The following XYLB variants were observed in gnomAD, a reference collection of about 807,000 sequenced individuals.
XYLB encodes xylulokinase, also known as xylulose kinase.
In XYLB, 62 loss-of-function variants were observed where a neutral mutation model predicts 78.7. The observed-to-expected ratio is 0.79, with a 90% CI of 0.64 to 0.97. The LOEUF is 0.97. Ranked by LOEUF, XYLB falls within the 50% of genes least tolerant of loss-of-function variation. The pLI, the probability that XYLB is intolerant of heterozygous loss-of-function variation, is 0.00. For synonymous variants in XYLB, 245 were observed against 247.4 expected, an observed-to-expected ratio of 0.99 and a Z score of 0.09; for missense variants, 687 against 676.8, an observed-to-expected ratio of 1.02 and a Z score of -0.17.
At chr3:38,411,982 CTCTTTTTTTTTTTTTT>C (rs1328440500) in intron 18 of XYLB, among the ~76,000 whole-genome samples, 1 of 137,678 alleles carries the variant, frequency 7.3e-6, no homozygotes, top group Non-Finnish European at 1.6e-5. Flanking sequence ...TGGATCTCAA[CTCTTTTTTTTTTTTTT>C]TCTTTTTTTT....
At chr3:38,397,501 TCCAGAG>T (rs908449816) in intron 17 of XYLB, among the ~76,000 whole-genome samples, 18 of 152,126 alleles carry the variant, frequency 1.2e-4, no homozygotes, top group African/African-American at 4.3e-4. Flanking sequence ...GTGGACAAAG[TCCAGAG>T]CCGTCTTTTC....
chr3:38,420,726 C>CTTTTTTT (rs34716648), downstream of XYLB, among the ~76,000 whole-genome samples: 1 of 150,706 alleles, frequency 6.6e-6, no homozygotes, highest in Non-Finnish European at 1.5e-5. Context: ...GAATATCCCC[C>CTTTTTTT]TTTTTTTTTG....
the XYLB span, among the ~76,000 whole-genome samples, chr3:38,443,136 G>A: frequency 2.1e-3 from 318 of 152,304 alleles, 1 homozygote; most frequent in African/African-American, 6.9e-3. Flanking sequence ...TTCCTCAGAT[G>A]GTAATGGACT....
At chr3:38,452,696 G>A in the XYLB span, 2 of 152,182 alleles carry the variant, frequency 1.3e-5, no homozygotes, top group African/African-American at 4.8e-5. Flanking sequence ...GCCTCTAAAA[G>A]TGCTGGAATT....
In XYLB at chr3:38,346,852, G is replaced by A; in HGVS notation, c.-17G>A. On this transcript the variant is annotated 5_prime_UTR_variant, in exon 1 of 19. Transcript: ENST00000207870. The stretch of plus-strand genomic sequence containing the variant: ...GGACGGACGGACTGACGGACGCGCA[G>A]CCTTACCCGAAAGGCCATGGCGGAG... 1 of 1,511,178 alleles carries A rather than the reference G, an allele frequency of 6.6e-7. No individual in the cohort carries two copies. Among genetic ancestry groups the A allele is most frequent in the Non-Finnish European group, 8.8e-7 (1 of 1,132,374 alleles). 93.6% of individuals were successfully genotyped at this position (1,511,178 alleles called of 1,614,324 possible).
chr3:38,376,935 AT>A lies in XYLB; in HGVS notation c.1139del (p.Met380ArgfsTer32). 1.9e-6 allele frequency: 3 copies of A among 1,613,944 alleles called. No homozygotes were observed. The highest frequency in any genetic ancestry group is 2.5e-6 in the Non-Finnish European group (3 of 1,179,904). On this transcript the variant is annotated frameshift_variant, in exon 14 of 19. Transcript: ENST00000207870. LOFTEE classifies it high-confidence loss of function. ...GGNLGFYFDV[M>X]EITPEIIGRH... Reference sequence around the variant, plus strand: ...TATTTCAGGTTTTTATTTTGATGTAATGGAGATCACCCCTGAAATTATTGGA... The same window carrying A: ...TATTTCAGGTTTTTATTTTGATGTAAGGAGATCACCCCTGAAATTATTGGA...
In XYLB at chr3:38,388,159, G is replaced by GT. The variant is rs1186909013; in HGVS notation, c.1292-7337dup. Among the ~76,000 whole-genome samples the GT allele has an allele frequency of 4.0e-3, 151 of 37,644 alleles. 1 individual carries two copies. Among genetic ancestry groups the GT allele is most frequent in the African/African-American group, 6.0e-3 (126 of 21,098 alleles). 24.7% of individuals were successfully genotyped at this position (37,644 alleles called of 152,430 possible). Reference sequence around the variant, plus strand: ...ATCAGGAAGTGCGGGTGAGGTGGTGGTTTTTTTTTGTTTTTTTTTTTTTTT... The same window carrying GT: ...ATCAGGAAGTGCGGGTGAGGTGGTGGTTTTTTTTTTGTTTTTTTTTTTTTTT... On this transcript the variant is annotated intron_variant, in intron 15 of 18. Transcript: ENST00000207870.
chr3:38,445,437 C>T, the XYLB span, among the ~76,000 whole-genome samples: 1 of 152,086 alleles, frequency 6.6e-6, no homozygotes, highest in Admixed American at 6.6e-5. Flanking sequence ...GCACCAGAAA[C>T]AGGGAGTGCT....
At chr3:38,403,220 G>A (rs1049162980) in intron 18 of XYLB, among the ~76,000 whole-genome samples, 6 of 150,182 alleles carry the variant, frequency 4.0e-5, no homozygotes, top group Non-Finnish European at 7.4e-5. Flanking sequence ...CTTGAGCCCA[G>A]AAGGTGGAGG....
chr3:38,406,167 C>G (rs1227745729), intron 18 of XYLB, among the ~76,000 whole-genome samples: 2 of 152,176 alleles, frequency 1.3e-5, no homozygotes, highest in African/African-American at 4.8e-5. Context: ...CCCACACGGC[C>G]GGGTACTCCT....
chr3:38,359,907 G>T (rs1705875016), intron 2 of XYLB, among the ~76,000 whole-genome samples: 1 of 152,100 alleles, frequency 6.6e-6, no homozygotes, highest in Non-Finnish European at 1.5e-5. Flanking sequence ...TGGGGAGAGG[G>T]TTCCAGTCAA....
rs536382826 is a variant in XYLB at position 38,411,172 on chromosome 3, CAT to C, written c.1534-1760_1534-1759del. Among the ~76,000 whole-genome samples the C allele has an allele frequency of 3.6e-3, 552 of 152,246 alleles. 5 individuals are homozygous for C. The highest frequency in any genetic ancestry group is 0.013 in the African/African-American group (525 of 41,514). On this transcript the variant is annotated intron_variant, in intron 18 of 18. Transcript: ENST00000207870. ...TAGACTAGATTAAGAAAATGTGGCACATATACACCATGGAATACTATGCAGCC... is the reference window on the plus strand; with the variant it reads ...TAGACTAGATTAAGAAAATGTGGCACATACACCATGGAATACTATGCAGCC...
At chr3:38,405,594 G>A (rs889979676) in intron 18 of XYLB, among the ~76,000 whole-genome samples, 29 of 152,246 alleles carry the variant, frequency 1.9e-4, no homozygotes, top group African/African-American at 2.9e-4. Flanking sequence ...TGCCTCACTC[G>A]AGAAGTGCAA....
chr3:38,411,448 T>C (rs997823064), intron 18 of XYLB, among the ~76,000 whole-genome samples: 3 of 151,832 alleles, frequency 2.0e-5, no homozygotes, highest in African/African-American at 7.3e-5. Flanking sequence ...AGTTAATGAG[T>C]GCAGCACACC....
In XYLB at chr3:38,376,962, C is replaced by T. The variant is rs764015358; in HGVS notation, c.1165C>T (p.Arg389Cys). 1.1e-5 allele frequency: 17 copies of T among 1,613,794 alleles called. No individual in the cohort carries two copies. The highest frequency in any genetic ancestry group is 8.0e-5 in the African/African-American group (6 of 74,838). ...GGAGATCACCCCTGAAATTATTGGA[C>T]GTCATAGGTTTAACACAGAAAACCA... Reference protein sequence around the residue: ...VMEITPEIIGRHRFNTENHKV... With the variant: ...VMEITPEIIGCHRFNTENHKV... Residue 389 changes from arginine (R) to cysteine (C), a missense_variant, in exon 14 of 19, where the codon CGT (arginine) becomes TGT (cysteine). Coordinates refer to ENST00000207870, the MANE Select transcript of XYLB (RefSeq NM_005108.4).
chr3:38,371,031 C>T (rs1706529626), intron 9 of XYLB, among the ~76,000 whole-genome samples: 2 of 152,114 alleles, frequency 1.3e-5, no homozygotes, highest in African/African-American at 4.8e-5. Context: ...TGGAGGGAGT[C>T]GTGTAACTGG....
chr3:38,373,599 G>C (rs1454915224), intron 10 of XYLB, among the ~76,000 whole-genome samples: 1 of 152,168 alleles, frequency 6.6e-6, no homozygotes, highest in East Asian at 1.9e-4. Context: ...TGTTTGGGCA[G>C]TGCAGACGAT....
At chr3:38,431,195 G>A in the XYLB span, among the ~76,000 whole-genome samples, 1 of 152,154 alleles carries the variant, frequency 6.6e-6, no homozygotes, top group Non-Finnish European at 1.5e-5. Context: ...AGCATGGAAT[G>A]TTCTTCCATT....
chr3:38,412,583 C>T (rs1290393843), intron 18 of XYLB, among the ~76,000 whole-genome samples: 2 of 152,130 alleles, frequency 1.3e-5, no homozygotes, highest in African/African-American at 4.8e-5. Context: ...ACTATGGGCT[C>T]CTTAATACAG....
Sources: allele counts gnomAD v4.1 joint callset (sites outside exome capture counted in the v4.1 genomes callset), GRCh38; gene constraint gnomAD v4.1.1; transcripts MANE v1.5; gene names NCBI Gene and HGNC (gene_info 2026-07-23, HGNC 2026-07-21).